MEF2A: variants seen among roughly 807,000 people sequenced by gnomAD.
The protein encoded by MEF2A is myocyte enhancer factor 2A, also known as myocyte-specific enhancer factor 2A.
A neutral mutation model predicts 55.8 loss-of-function variants in MEF2A; 28 were observed. That is an observed-to-expected ratio of 0.50 (90% confidence interval 0.37 to 0.69). The LOEUF is 0.69. Among genes scored for constraint, MEF2A ranks in the 30% least tolerant of loss-of-function variants. The probability of loss-of-function intolerance (pLI) is 0.00; values close to 1 mark genes in which losing one functional copy is unlikely to be tolerated. For missense variants in MEF2A, 528 were observed against 626.2 expected (o/e 0.84, Z 1.67); for synonymous variants, 239 against 227.1 (o/e 1.05, Z -0.47).
intron 1 of MEF2A, among the ~76,000 whole-genome samples, chr15:99,590,628 C>G (rs868213701): frequency 6.6e-6 from 1 of 151,230 alleles, no homozygotes; most frequent in Non-Finnish European, 1.5e-5. Context: ...ATTTAATCTA[C>G]TTTCTTGGTT....
At position 99,569,045 on chromosome 15, in the gene MEF2A, G is replaced by A. The variant is rs182575298; in HGVS notation, c.-225+2941G>A. On this transcript the variant is annotated intron_variant, in intron 1 of 11. Coordinates refer to ENST00000557942, the MANE Select transcript of MEF2A (RefSeq NM_001319206.4). ...ATATGGAAATCAGATCACCCTTTAA[G>A]CTGGATAACCTCGTGCAAGAGAATG... Among the ~76,000 whole-genome samples, 11 of 152,260 alleles carry A rather than the reference G, an allele frequency of 7.2e-5. No individual in the cohort carries two copies. The East Asian group carries it at 2.1e-3, about 29-fold the overall frequency.
intron 2 of MEF2A, among the ~76,000 whole-genome samples, chr15:99,607,330 C>G (rs1480599106): frequency 6.6e-6 from 1 of 152,102 alleles, no homozygotes; most frequent in Non-Finnish European, 1.5e-5. Context: ...AGTTTGTAAT[C>G]AGTCCTTGAA....
intron 6 of MEF2A, among the ~76,000 whole-genome samples, chr15:99,675,168 AT>A (rs1304510425): frequency 6.6e-6 from 1 of 152,154 alleles, no homozygotes; most frequent in Non-Finnish European, 1.5e-5. Context: ...CAATACCACT[AT>A]TTGGTATTGA....
Position 99,709,190 on chromosome 15 carries a change from TGA to T in MEF2A, c.1010-1436_1010-1435del, listed in dbSNP as rs1221975158. Among the ~76,000 whole-genome samples, 8 of 152,188 alleles carry T rather than the reference TGA, an allele frequency of 5.3e-5. No homozygotes were observed. The East Asian group carries it at 1.2e-3, about 22-fold the overall frequency. ...AGAGATGGTGAGACCTGGGCAGGCT[TGA>T]GAGAGAGCAGATAGAATTGCTCAGA... On this transcript the variant is annotated intron_variant, in intron 10 of 11. Transcript: ENST00000557942.
intron 4 of MEF2A, among the ~76,000 whole-genome samples, chr15:99,661,437 A>G (rs1273089582): frequency 6.6e-6 from 1 of 150,908 alleles, no homozygotes; most frequent in African/African-American, 2.4e-5. Flanking sequence ...TTAATGCTAC[A>G]TAATGGGAAG....
intron 4 of MEF2A, among the ~76,000 whole-genome samples, chr15:99,652,168 A>C (rs2046956386): frequency 6.6e-6 from 1 of 152,114 alleles, no homozygotes; most frequent in African/African-American, 2.4e-5. Flanking sequence ...GCAGTCCCCA[A>C]CCTTGTTGGC....
intron 5 of MEF2A, among the ~76,000 whole-genome samples, chr15:99,672,962 A>G (rs2051167123): frequency 6.6e-6 from 1 of 152,104 alleles, no homozygotes; most frequent in Non-Finnish European, 1.5e-5. Flanking sequence ...TAGCATGTGT[A>G]GCCTACACAC....
chr15:99,641,556 A>T (rs2570813), intron 3 of MEF2A, among the ~76,000 whole-genome samples: 33,320 of 152,008 alleles, frequency 0.22, 4,331 homozygotes, highest in South Asian at 0.31. Context: ...ACCTGTCTCT[A>T]CTAAAAAATA....
chr15:99,672,057 A>G (rs1419629424), intron 5 of MEF2A, among the ~76,000 whole-genome samples: 2 of 152,216 alleles, frequency 1.3e-5, no homozygotes, highest in Non-Finnish European at 2.9e-5. Flanking sequence ...TTAAAAACAT[A>G]TGTGTTCTTA....
intron 2 of MEF2A, among the ~76,000 whole-genome samples, chr15:99,630,288 TTC>T (rs2042747926): frequency 6.6e-6 from 1 of 152,122 alleles, no homozygotes; most frequent in Non-Finnish European, 1.5e-5. Context: ...ATATTTCTCA[TTC>T]TCTTTTTGTG....
intron 1 of MEF2A, among the ~76,000 whole-genome samples, chr15:99,567,020 G>A (rs766282136): frequency 9.2e-5 from 14 of 152,260 alleles, no homozygotes; most frequent in Non-Finnish European, 1.9e-4. Context: ...GTGCAAACAA[G>A]TTTGGAAAAG....
intron 3 of MEF2A, among the ~76,000 whole-genome samples, chr15:99,641,320 G>A (rs994502616): frequency 1.3e-4 from 20 of 152,178 alleles, no homozygotes; most frequent in African/African-American, 4.3e-4. Flanking sequence ...TCTGGAGGGC[G>A]TCTGTCTGCA....
intron 1 of MEF2A, among the ~76,000 whole-genome samples, chr15:99,597,031 AT>A (rs1375287170): frequency 3.3e-5 from 5 of 152,236 alleles, no homozygotes; most frequent in African/African-American, 1.2e-4. Flanking sequence ...TAATAATTGC[AT>A]TAACTGCACA....
intron 1 of MEF2A, among the ~76,000 whole-genome samples, chr15:99,573,571 G>C (rs1241243667): frequency 6.6e-6 from 1 of 152,112 alleles, no homozygotes; most frequent in Admixed American, 6.5e-5. Flanking sequence ...TATCTCTGTT[G>C]TTCATTACTA....
At chr15:99,671,786 T>C (rs2050920674) in intron 5 of MEF2A, 1 of 1,044,372 alleles carries the variant, frequency 9.6e-7, no homozygotes, top group African/African-American at 1.6e-5. Context: ...TTTATTAGTA[T>C]TTTTTATAAA....
At chr15:99,665,731 C>CAAAAAAAAAAAAAAAAAAAAAAAAAAAAA (rs752473261) in intron 4 of MEF2A, among the ~76,000 whole-genome samples, 1 of 20,252 alleles carries the variant, frequency 4.9e-5, no homozygotes, top group African/African-American at 1.7e-4. Context: ...CTTAAATTTA[C>CAAAAAAAAAAAAAAAAAAAAAAAAAAAAA]AAAAAAAAAA....
chr15:99,671,409 C>G lies in MEF2A; in HGVS notation c.345C>G (p.Phe115Leu), dbSNP rs1135566. ...FEHSPLSEDR[F>L]SKLNEDSDFI... is the part of the protein sequence containing the mutation. The stretch of plus-strand genomic sequence containing the variant: ...ACAGTCCACTCTCGGAGGACAGATT[C>G]AGCAAACTAAATGAAGATAGTGATT... Residue 115 changes from phenylalanine (F) to leucine (L), a missense_variant, in exon 5 of 12, where the codon TTC becomes TTG. By Grantham distance (22) the Phe-to-Leu change is conservative (BLOSUM62 0). Coordinates refer to ENST00000557942, the MANE Select transcript of MEF2A (RefSeq NM_001319206.4). The G allele has an allele frequency of 1.2e-6, 2 of 1,613,908 alleles. No homozygotes were observed. The highest frequency in any genetic ancestry group is 1.7e-6 in the Non-Finnish European group (2 of 1,179,794).
At chr15:99,630,248 T>C (rs1171118073) in intron 2 of MEF2A, among the ~76,000 whole-genome samples, 2 of 152,160 alleles carry the variant, frequency 1.3e-5, no homozygotes, top group African/African-American at 4.8e-5. Flanking sequence ...GTATCCGTTT[T>C]CCATGTGCTG....
At chr15:99,699,850 T>C (rs1050514527) in intron 8 of MEF2A, among the ~76,000 whole-genome samples, 2 of 151,768 alleles carry the variant, frequency 1.3e-5, no homozygotes, top group Non-Finnish European at 2.9e-5. Flanking sequence ...AGGTTTCTCA[T>C]GGTTGGAGGA....
Sources: gnomAD v4.1 joint callset for allele counts (sites outside exome capture counted in the v4.1 genomes callset) on GRCh38, gnomAD v4.1.1 for gene constraint, MANE v1.5 for transcripts, NCBI Gene and HGNC (gene_info 2026-07-23, HGNC 2026-07-21) for gene names.